HIVEP1: variants seen among roughly 807,000 people sequenced by gnomAD.
HIVEP1 encodes HIVEP zinc finger 1.
HIVEP1 carries 36 observed loss-of-function variants against 180.0 expected under a neutral mutation model. That is an observed-to-expected ratio of 0.20 (90% confidence interval 0.15 to 0.26). HIVEP1 has a LOEUF of 0.26. Among genes scored for constraint, HIVEP1 ranks in the 10% least tolerant of loss-of-function variants. The pLI is 1.00. For synonymous variants in HIVEP1, 1,239 were observed against 1,239.0 expected (o/e 1.00, Z 0.00); for missense variants, 3,143 against 3,268.7 (o/e 0.96, Z 0.94).
intron 7 of HIVEP1, among the ~76,000 whole-genome samples, chr6:12,138,607 C>T (rs1390921962): frequency 1.3e-5 from 2 of 152,134 alleles, no homozygotes; most frequent in Non-Finnish European, 2.9e-5. Context: ...AGGGCTGTGG[C>T]CTTTGATCTC....
At chr6:12,032,920 C>T (rs1044504299) in intron 2 of HIVEP1, among the ~76,000 whole-genome samples, 1 of 152,142 alleles carries the variant, frequency 6.6e-6, no homozygotes, top group Non-Finnish European at 1.5e-5. Context: ...CCAAAATTTC[C>T]CAACATTTCA....
intron 3 of HIVEP1, among the ~76,000 whole-genome samples, chr6:12,117,898 T>C (rs1036359893): frequency 7.2e-5 from 11 of 152,208 alleles, no homozygotes; most frequent in African/African-American, 2.7e-4. Flanking sequence ...TCAGCCCAGG[T>C]TGATGAGCAT....
At chr6:12,189,594 C>G in the HIVEP1 span, among the ~76,000 whole-genome samples, 1 of 151,922 alleles carries the variant, frequency 6.6e-6, no homozygotes, top group African/African-American at 2.4e-5. Context: ...TTTCCACGAA[C>G]GATTAACAAC....
At chr6:12,090,635 T>G (rs1244461690) in intron 3 of HIVEP1, among the ~76,000 whole-genome samples, 1 of 151,962 alleles carries the variant, frequency 6.6e-6, no homozygotes, top group African/African-American at 2.4e-5. Flanking sequence ...ATGGCCACCT[T>G]GTCCCTTTGA....
At chr6:12,109,366 G>A (rs1331848500) in intron 3 of HIVEP1, among the ~76,000 whole-genome samples, 1 of 152,178 alleles carries the variant, frequency 6.6e-6, no homozygotes, top group East Asian at 1.9e-4. Flanking sequence ...AGCATAGGAT[G>A]GTGTTTGATA....
intron 6 of HIVEP1, among the ~76,000 whole-genome samples, chr6:12,131,512 C>G (rs1420300584): frequency 6.6e-6 from 1 of 151,380 alleles, no homozygotes; most frequent in East Asian, 1.9e-4. Context: ...AGTCTCAGAA[C>G]TAATCATTAA....
intron 3 of HIVEP1, among the ~76,000 whole-genome samples, chr6:12,113,379 G>A (rs1291907069): frequency 1.3e-5 from 2 of 151,960 alleles, no homozygotes; most frequent in East Asian, 1.9e-4. Context: ...GAGATGGCAA[G>A]TACAAATCCC....
the HIVEP1 span, among the ~76,000 whole-genome samples, chr6:12,204,672 T>C: frequency 2.6e-5 from 4 of 152,182 alleles, no homozygotes; most frequent in Non-Finnish European, 5.9e-5. Context: ...CACTTACCCA[T>C]TCACAACTAT....
chr6:12,194,923 G>C, the HIVEP1 span, among the ~76,000 whole-genome samples: 1 of 152,182 alleles, frequency 6.6e-6, no homozygotes, highest in African/African-American at 2.4e-5. Flanking sequence ...AGCCAAAAAG[G>C]ACAGACACTG....
intron 2 of HIVEP1, among the ~76,000 whole-genome samples, chr6:12,019,621 C>T (rs1239975676): frequency 6.6e-6 from 1 of 152,106 alleles, no homozygotes; most frequent in East Asian, 1.9e-4. Flanking sequence ...TTTAGGCTTC[C>T]TGGGGGAAAT....
At chr6:12,158,701 A>T (rs2113676928) in intron 7 of HIVEP1, among the ~76,000 whole-genome samples, 1 of 152,076 alleles carries the variant, frequency 6.6e-6, no homozygotes, top group Non-Finnish European at 1.5e-5. Flanking sequence ...GTCCCTCCCC[A>T]AGGAGACAGG....
chr6:12,036,503 A>G (rs1769284807), intron 2 of HIVEP1, among the ~76,000 whole-genome samples: 1 of 152,186 alleles, frequency 6.6e-6, no homozygotes, highest in Admixed American at 6.5e-5. Flanking sequence ...TTAATTCATC[A>G]ATCTGTGTTC....
At chr6:12,009,210 C>T (rs1015272368), upstream of HIVEP1, among the ~76,000 whole-genome samples, 1 of 148,136 alleles carries the variant, frequency 6.8e-6, no homozygotes, top group African/African-American at 2.4e-5. Flanking sequence ...GTGCCTGAGC[C>T]GGGCCCGGCC....
chr6:12,204,372 C>T, the HIVEP1 span, among the ~76,000 whole-genome samples: 1 of 152,142 alleles, frequency 6.6e-6, no homozygotes. Flanking sequence ...CCTTCCCCGT[C>T]TATCCTCCCC....
At chr6:12,044,099 G>C (rs1049246453) in intron 2 of HIVEP1, among the ~76,000 whole-genome samples, 12 of 152,142 alleles carry the variant, frequency 7.9e-5, no homozygotes, top group African/African-American at 2.9e-4. Flanking sequence ...TTTCTATGGG[G>C]TGAGCCTGCC....
chr6:12,122,415 T>C lies in HIVEP1; in HGVS notation c.2620T>C (p.Phe874Leu), dbSNP rs150936386. The C allele has an allele frequency of 1.1e-5, 17 of 1,614,220 alleles. No homozygotes were observed. The East Asian group carries it at 3.8e-4, about 36-fold the overall frequency. The change falls in exon 4 of 9, where the codon TTC becomes CTC. Residue 874 changes from phenylalanine (F) to leucine (L), a missense_variant. Transcript: ENST00000379388. ...SQSFDDKIGAFYDDVFVSGPN... is the reference protein window; with the variant it reads ...SQSFDDKIGALYDDVFVSGPN... ...GTCATTTGATGACAAAATTGGCGCT[T>C]TCTATGATGATGTCTTTGTATCGGG...
intron 3 of HIVEP1, among the ~76,000 whole-genome samples, chr6:12,118,792 A>G (rs1008012393): frequency 6.6e-6 from 1 of 152,252 alleles, no homozygotes; most frequent in Non-Finnish European, 1.5e-5. Flanking sequence ...GTTCATTGAT[A>G]TAATTGCTAC....
At chr6:12,183,998 TA>T in the HIVEP1 span, among the ~76,000 whole-genome samples, 3 of 140,742 alleles carry the variant, frequency 2.1e-5, no homozygotes, top group Middle Eastern at 3.4e-3. Context: ...GATAGATAGA[TA>T]GATAGATAGA....
chr6:12,060,209 A>G (rs1322297594), intron 2 of HIVEP1, among the ~76,000 whole-genome samples: 1 of 152,236 alleles, frequency 6.6e-6, no homozygotes, highest in African/African-American at 2.4e-5. Context: ...AAAATCTGAC[A>G]TCTATATATT....
Sources: allele counts gnomAD v4.1 joint callset (sites outside exome capture counted in the v4.1 genomes callset), GRCh38; gene constraint gnomAD v4.1.1; transcripts MANE v1.5; gene names NCBI Gene and HGNC (gene_info 2026-07-23, HGNC 2026-07-21).